The following SCNN1A variants were observed in gnomAD, a reference collection of about 807,000 sequenced individuals.
SCNN1A encodes epithelial sodium channel subunit alpha.
Under a neutral mutation model 68.6 loss-of-function variants are expected in SCNN1A, and 65 were observed. That is an observed-to-expected ratio of 0.95 (90% confidence interval 0.78 to 1.16). The LOEUF is 1.16. SCNN1A is among the 50% of genes most tolerant of loss of function. The probability of loss-of-function intolerance (pLI) is 0.00; values close to 1 mark genes in which losing one functional copy is unlikely to be tolerated. For missense variants in SCNN1A, 880 were observed against 865.9 expected (o/e 1.02, Z -0.20); for synonymous variants, 357 against 353.3 (o/e 1.01, Z -0.12).
At chr12:6,373,329 G>T (rs550669882) in intron 2 of SCNN1A, among the ~76,000 whole-genome samples, 24 of 152,140 alleles carry the variant, frequency 1.6e-4, no homozygotes, top group East Asian at 7.7e-4. Context: ...CTCCTTGAAG[G>T]TACACTAACT....
rs1228301347 is a variant in SCNN1A, at chr12:6,375,398, T to A, written c.-55+107A>T. The A allele has an allele frequency of 5.3e-6, 8 of 1,499,712 alleles. No homozygotes were observed. The East Asian group carries it at 1.7e-4, about 32-fold the overall frequency. The allele number at this position is 1,499,712 out of a possible 1,614,324, so 92.9% of individuals were successfully genotyped here. ...TGTCTCTGCCCCAGGACTGCAGGGC[T>A]CCAGGAGGTCTGGGCTGCCTCCAGC... is the stretch of plus-strand genomic sequence containing the variant. On this transcript the variant is annotated intron_variant, in intron 1 of 12. Transcript: ENST00000228916.
chr12:6,349,382 C>T lies in SCNN1A; in HGVS notation c.1384G>A (p.Val462Ile). 2.5e-6 allele frequency: 4 copies of T among 1,603,582 alleles called. No individual in the cohort carries two copies. The highest frequency in any genetic ancestry group is 3.4e-6 in the Non-Finnish European group (4 of 1,174,728). ...SWGYCYYKLQ[V>I]DFSSDHLGCF... ...CCCAGGTGGTCTGAGGAGAAGTCAA[C>T]CTGGAGCTTATAGTAGCAGTACCCT... The change falls in exon 9 of 13, where the codon GTT (valine) becomes ATT (isoleucine). Residue 462 changes from valine to isoleucine, a missense_variant. Physicochemically the swap from Val to Ile is conservative, Grantham distance 29 (BLOSUM62 3). Around this residue, in one of 3 missense-constraint regions of SCNN1A, gnomAD observed 758 missense variants for 721.8 expected, o/e 1.05. Transcript: ENST00000228916.
rs1486899229 is a variant in SCNN1A, at chr12:6,372,419, G to T, written c.416+1949C>A. Among the ~76,000 whole-genome samples the T allele has an allele frequency of 2.0e-5, 3 of 152,116 alleles. No homozygotes were observed. The highest frequency in any genetic ancestry group is 7.2e-5 in the African/African-American group (3 of 41,422). On this transcript the variant is annotated intron_variant, in intron 2 of 12. Transcript: ENST00000228916. This position sits in a 1 kb window ranked among gnomAD's most constrained non-coding sequence, Gnocchi z 5.8. Reference sequence around the variant, plus strand: ...CCCCGACTCCTCTCCTCTCCTAGGTGTTCTCTCCCTCCCGACTCCCACAGC... The same window carrying T: ...CCCCGACTCCTCTCCTCTCCTAGGTTTTCTCTCCCTCCCGACTCCCACAGC...
In SCNN1A at chr12:6,363,703, C is replaced by G; in HGVS notation, c.424G>C (p.Glu142Gln). ...AGCTCCTCCAGCTCCTCTTTAATTT[C>G]CGGGTACCTGAAGGGGCGAGGGGAA... ...ICTLNPYRYP[E>Q]IKEELEELDR... The change falls in exon 3 of 13, where the codon GAA (glutamate) becomes CAA (glutamine). Residue 142 changes from glutamate to glutamine, a missense_variant. Glu to Gln is a conservative substitution (Grantham distance 29). Around this residue, in one of 3 missense-constraint regions of SCNN1A, gnomAD observed 758 missense variants for 721.8 expected, o/e 1.05. Coordinates refer to ENST00000228916, the MANE Select transcript of SCNN1A (RefSeq NM_001038.6). The G allele has an allele frequency of 5.0e-6, 8 of 1,597,950 alleles. No individual in the cohort carries two copies. The highest frequency in any genetic ancestry group is 6.8e-6 in the Non-Finnish European group (8 of 1,171,678).
At chr12:6,355,090 G>A (rs1948472929) in intron 6 of SCNN1A, among the ~76,000 whole-genome samples, 182 bp downstream of exon 6, 1 of 151,904 alleles carries the variant, frequency 6.6e-6, no homozygotes, top group Non-Finnish European at 1.5e-5. Flanking sequence ...TGTCCCCCAG[G>A]GTCCACCCTG....
chr12:6,360,589 C>G (rs555023012), intron 4 of SCNN1A, among the ~76,000 whole-genome samples: 2 of 152,232 alleles, frequency 1.3e-5, no homozygotes, highest in Non-Finnish European at 2.9e-5. Context: ...AAAAACAGAA[C>G]AAAATCGTGT....
chr12:6,349,236 AG>A lies in SCNN1A; in HGVS notation c.1440-16del. The A allele has an allele frequency of 6.2e-7, 1 of 1,614,134 alleles. No individual in the cohort carries two copies. The highest frequency in any genetic ancestry group is 8.5e-7 in the Non-Finnish European group (1 of 1,179,992). On this transcript the variant is annotated splice_polypyrimidine_tract_variant and intron_variant, in intron 9 of 12. Transcript: ENST00000228916. ...AGCTGGTCACGCTGGGGATGGAGAAAGGTGCTCAGTGTTGGGGCAGAGCTCT... is the reference window on the plus strand; with the variant it reads ...AGCTGGTCACGCTGGGGATGGAGAAAGTGCTCAGTGTTGGGGCAGAGCTCT...
At chr12:6,355,587 G>A (rs1186970379) in intron 5 of SCNN1A, 152 bp from the exon 6 acceptor site, 2 of 1,043,816 alleles carry the variant, frequency 1.9e-6, no homozygotes, top group Non-Finnish European at 2.9e-6. Flanking sequence ...CAACCCCTGA[G>A]CTGGAATCTG....
intron 2 of SCNN1A, among the ~76,000 whole-genome samples, chr12:6,373,256 A>C (rs900147671): frequency 2.0e-5 from 3 of 151,984 alleles, no homozygotes; most frequent in Admixed American, 6.5e-5. Context: ...CCAGCATCCA[A>C]AATCGCACAC....
In SCNN1A at chr12:6,348,963, C is replaced by T. The variant is rs770217992; in HGVS notation, c.1540G>A (p.Val514Ile). ...QMLSRQNNYT[V>I]NNKRNGVAKV... is the part of the protein sequence containing the mutation. Reference sequence around the variant, plus strand: ...GGCAGGACTGACCTCTTGTTGTTGACGGTGTAATTGTTCTGTCGCGATAGC... The same window carrying T: ...GGCAGGACTGACCTCTTGTTGTTGATGGTGTAATTGTTCTGTCGCGATAGC... Residue 514 changes from valine (V) to isoleucine (I), a missense_variant, in exon 11 of 13, where the codon GTC becomes ATC. Physicochemically the swap from Val to Ile is conservative, Grantham distance 29. This residue lies in a region of SCNN1A where 758 missense variants were observed against 721.8 expected (regional missense o/e 1.05). Transcript: ENST00000228916. The T allele has an allele frequency of 2.0e-5, 32 of 1,613,926 alleles. No homozygotes were observed. Among genetic ancestry groups the T allele is most frequent in the South Asian group, 1.6e-4 (15 of 91,088 alleles).
At chr12:6,368,918 G>A (rs1204179299) in intron 2 of SCNN1A, among the ~76,000 whole-genome samples, 1 of 152,204 alleles carries the variant, frequency 6.6e-6, no homozygotes, top group Non-Finnish European at 1.5e-5. Context: ...ACCGCATGAA[G>A]CTCTTGGGGG....
Position 6,349,404 on chromosome 12 carries a change from C to T in SCNN1A, c.1362G>A (p.Gly454=). The part of the protein sequence containing the change: ...YCDYRKHSSW[G]YCYYKLQVDF... ...CAACCTGGAGCTTATAGTAGCAGTA[C>T]CCTGTGGGTACAGAGAGATGCCTGT... The change falls in exon 9 of 13, where the codon GGG becomes GGA. Residue 454 remains glycine, a splice_region_variant and synonymous_variant. Transcript: ENST00000228916. 3.8e-6 allele frequency: 6 copies of T among 1,584,236 alleles called. No individual in the cohort carries two copies. The highest frequency in any genetic ancestry group is 5.2e-6 in the Non-Finnish European group (6 of 1,164,408).
chr12:6,359,475 C>T (rs1252141507), intron 4 of SCNN1A, among the ~76,000 whole-genome samples: 2 of 152,120 alleles, frequency 1.3e-5, no homozygotes, highest in South Asian at 2.1e-4. Flanking sequence ...GTGATCCTAG[C>T]TGGGAGGTGT....
intron 2 of SCNN1A, among the ~76,000 whole-genome samples, chr12:6,369,365 G>GCCACCCTACGCA (rs1565485434): frequency 0.029 from 3,402 of 117,380 alleles, 331 homozygotes; most frequent in East Asian, 0.04. Context: ...CACCCTACGC[G>GCCACCCTACGCA]CCTCCCTCCT....
chr12:6,366,359 C>G (rs904323910), intron 2 of SCNN1A, among the ~76,000 whole-genome samples: 3 of 152,150 alleles, frequency 2.0e-5, no homozygotes, highest in Admixed American at 6.5e-5. Flanking sequence ...AATGTTCATA[C>G]CAGTATTATT....
At chr12:6,349,779 T>G in intron 8 of SCNN1A, 3 of 235,092 alleles carry the variant, frequency 1.3e-5, no homozygotes. Flanking sequence ...CACGCTAGAG[T>G]GCAGTGGCGC....
At position 6,347,537 on chromosome 12, in the gene SCNN1A, C is replaced by T. The variant is rs72657537; in HGVS notation, c.*336G>A. On this transcript the variant is annotated 3_prime_UTR_variant, in exon 13 of 13. Coordinates refer to ENST00000228916, the MANE Select transcript of SCNN1A (RefSeq NM_001038.6). Reference sequence around the variant, plus strand: ...GGTTGTGTTTTGTCCTGGTTATCAGCGGTTTCTTAGGAAAGTTCCTTGTCA... The same window carrying T: ...GGTTGTGTTTTGTCCTGGTTATCAGTGGTTTCTTAGGAAAGTTCCTTGTCA... 5.8e-4 allele frequency: 220 copies of T among 377,126 alleles called. No individual in the cohort carries two copies. Among genetic ancestry groups the T allele is most frequent in the Middle Eastern group, 4.0e-3 (5 of 1,258 alleles). The allele number at this position is 377,126 out of a possible 1,614,324, so 23.4% of individuals were successfully genotyped here.
At chr12:6,375,956 G>A (rs1389124308), upstream of SCNN1A, 1 of 1,036,160 alleles carries the variant, frequency 9.7e-7, no homozygotes, top group Non-Finnish European at 1.2e-6. Context: ...CACTGAGTGA[G>A]TAGAGGCAGG....
At chr12:6,355,234 G>T (rs1354366629) in intron 6 of SCNN1A, 38 bp downstream of exon 6, 1 of 1,599,930 alleles carries the variant, frequency 6.3e-7, no homozygotes, top group Non-Finnish European at 8.5e-7. Context: ...TCTGCAATCT[G>T]AGGCGCTCCT....
Sources: gnomAD v4.1 joint callset for allele counts (sites outside exome capture counted in the v4.1 genomes callset) on GRCh38, gnomAD v4.1.1 for gene constraint, gnomAD v4.1.1 regional missense constraint, Gnocchi (gnomAD v3.1) non-coding constraint, MANE v1.5 for transcripts, NCBI Gene and HGNC (gene_info 2026-07-23, HGNC 2026-07-21) for gene names.